The following KCTD19 variants were observed in gnomAD, a reference collection of about 807,000 sequenced individuals.
KCTD19 encodes BTB/POZ domain-containing protein KCTD19.
KCTD19 carries 67 observed loss-of-function variants against 103.5 expected under a neutral mutation model. The ratio of observed to expected loss-of-function variants is 0.65; its 90% CI spans 0.53 to 0.79. The LOEUF (loss-of-function observed/expected upper bound fraction) is 0.79. Among genes scored for constraint, KCTD19 ranks in the 30% least tolerant of loss-of-function variants. The probability of loss-of-function intolerance (pLI) is 0.00; values close to 1 mark genes in which losing one functional copy is unlikely to be tolerated. For missense variants in KCTD19, 980 were observed against 1,136.1 expected (o/e 0.86, Z 1.98); for synonymous variants, 439 against 452.2 (o/e 0.97, Z 0.37).
Position 67,303,928 on chromosome 16 carries a change from TCATTTACC to T in KCTD19, c.451+485_451+492del, listed in dbSNP as rs1362692631. Among the ~76,000 whole-genome samples the T allele has an allele frequency of 6.6e-6, 1 of 152,222 alleles. No individual in the cohort carries two copies. The highest frequency in any genetic ancestry group is 1.5e-5 in the Non-Finnish European group (1 of 68,048). On this transcript the variant is annotated intron_variant, in intron 3 of 15. Transcript: ENST00000304372. The surrounding 1 kb of genome is among the most constrained non-coding windows in gnomAD (Gnocchi z 4.3). ...ACTTATGTATCCAAAGTCATTAAAT[TCATTTACC>T]CATTTGATTCTAATTGATCAAACCA...
At chr16:67,313,369 C>G (rs749661300) in intron 2 of KCTD19, among the ~76,000 whole-genome samples, 3 of 152,094 alleles carry the variant, frequency 2.0e-5, no homozygotes, top group Non-Finnish European at 2.9e-5. Context: ...CTTGGCCTCC[C>G]AAAGTGTTAG....
At position 67,303,414 on chromosome 16, in the gene KCTD19, C is replaced by G; in HGVS notation, c.452-77G>C. ...GATTCCAGCAGGGCTTTCACTGACC[C>G]AGGGGCCCCAGAGGATGCTAGAGAG... On this transcript the variant is annotated intron_variant, in intron 3 of 15. Transcript: ENST00000304372. The surrounding 1 kb of genome is among the most constrained non-coding windows in gnomAD (Gnocchi z 4.3). 1 of 1,292,222 alleles carries G rather than the reference C, an allele frequency of 7.7e-7. No individual in the cohort carries two copies. Among genetic ancestry groups the G allele is most frequent in the South Asian group, 1.5e-5 (1 of 68,914 alleles). 80.0% of individuals were successfully genotyped at this position (1,292,222 alleles called of 1,614,324 possible). A position where few individuals can be genotyped will look rare whatever the true frequency, so the allele number is the denominator to read the frequency against.
chr16:67,301,313 G>A (rs995959520), intron 5 of KCTD19: 15 of 155,222 alleles, frequency 9.7e-5, no homozygotes, highest in Non-Finnish European at 1.7e-4. Context: ...GGGTTTCCAC[G>A]TGAGGTGACG....
In KCTD19 at chr16:67,291,368, T is replaced by C; in HGVS notation, c.2506A>G (p.Arg836Gly). The change falls in exon 14 of 16, where the codon AGG (arginine) becomes GGG (glycine). Residue 836 changes from arginine to glycine, a missense_variant. Coordinates refer to ENST00000304372, the MANE Select transcript of KCTD19 (RefSeq NM_001100915.3). ...FLADIIMDSI[R>G]QKDPKAITAK... ...GTGATGGCTTTGGGGTCCTTTTGCC[T>C]GATGGAATCCATGATGATGTCAGCC... 1 of 1,614,212 alleles carries C rather than the reference T, an allele frequency of 6.2e-7. No homozygotes were observed. Among genetic ancestry groups the C allele is most frequent in the Non-Finnish European group, 8.5e-7 (1 of 1,180,046 alleles).
chr16:67,298,467 C>A (rs1199810800), intron 6 of KCTD19, among the ~76,000 whole-genome samples: 1 of 152,134 alleles, frequency 6.6e-6, no homozygotes, highest in Non-Finnish European at 1.5e-5. Context: ...CCCAGTCGCT[C>A]CCTTCTTGCC....
rs769207794 is a variant in KCTD19, at chr16:67,320,826, G to GC, written c.62dup (p.Trp22LeufsTer43). 6.2e-7 allele frequency: 1 copy of GC among 1,614,084 alleles called. No homozygotes were observed. The highest frequency in any genetic ancestry group is 1.1e-5 in the South Asian group (1 of 91,076). Reference sequence around the variant, plus strand: ...TGCTTCTGGGAACTGAGAAATGCCAGCCCCCTACGTTGAAATGAAACAAGT... The same window carrying GC: ...TGCTTCTGGGAACTGAGAAATGCCAGCCCCCCTACGTTGAAATGAAACAAGT... On this transcript the variant is annotated frameshift_variant, in exon 2 of 16. Transcript: ENST00000304372. LOFTEE classifies it high-confidence loss of function. This position sits in a 1 kb window ranked among gnomAD's most constrained non-coding sequence, Gnocchi z 4.0.
chr16:67,305,325 CA>C (rs1276153170), intron 2 of KCTD19: 2 of 206,602 alleles, frequency 9.7e-6, no homozygotes, highest in African/African-American at 4.7e-5. Context: ...TATATTGCCA[CA>C]GGACTCCACA....
chr16:67,315,588 T>G (rs2037004112), intron 2 of KCTD19, among the ~76,000 whole-genome samples: 1 of 151,980 alleles, frequency 6.6e-6, no homozygotes. Flanking sequence ...TTCAAGCAAT[T>G]CTTCTGCCTC....
In KCTD19 at chr16:67,297,577, A is replaced by T; in HGVS notation, c.1073T>A (p.Ile358Asn). 1.2e-6 allele frequency: 2 copies of T among 1,614,052 alleles called. No individual in the cohort carries two copies. Among genetic ancestry groups the T allele is most frequent in the Non-Finnish European group, 1.7e-6 (2 of 1,180,022 alleles). The change falls in exon 7 of 16, where the codon ATC (isoleucine) becomes AAC (asparagine). Residue 358 changes from isoleucine (I) to asparagine (N), a missense_variant. Physicochemically the swap from Ile to Asn is moderately radical, Grantham distance 149. Transcript: ENST00000304372. Reference protein sequence around the residue: ...ELCAFLDKRDITYEPIKVALK... With the variant: ...ELCAFLDKRDNTYEPIKVALK... ...AGCAACTTTGATTGGCTCGTAGGTG[A>T]TGTCCCTTTTGTCTAGGAAGGCACA...
chr16:67,308,140 A>C (rs1597397086), intron 2 of KCTD19, among the ~76,000 whole-genome samples: 16 of 124,600 alleles, frequency 1.3e-4, no homozygotes, highest in South Asian at 3.0e-4. Flanking sequence ...CCTCCCTCCC[A>C]TCCTCCCTCC....
Position 67,320,498 on chromosome 16 carries a change from T to C in KCTD19, c.300+91A>G. ...TTACATTTGCCCATTAAGAGGGTCA[T>C]CTCAGCAACCAATATATAACAGGAA... is the stretch of plus-strand genomic sequence containing the variant. On this transcript the variant is annotated intron_variant, in intron 2 of 15. Transcript: ENST00000304372. This position sits in a 1 kb window ranked among gnomAD's most constrained non-coding sequence, Gnocchi z 4.0. 7.8e-7 allele frequency: 1 copy of C among 1,289,646 alleles called. No homozygotes were observed. The highest frequency in any genetic ancestry group is 1.4e-5 in the South Asian group (1 of 71,078). 79.9% of individuals were successfully genotyped at this position (1,289,646 alleles called of 1,614,324 possible).
intron 9 of KCTD19, 72 bp downstream of exon 9, chr16:67,295,191 C>G (rs937309904): frequency 6.3e-7 from 1 of 1,583,582 alleles, no homozygotes; most frequent in Non-Finnish European, 8.7e-7. Context: ...GGCTGCAACT[C>G]AGGTCTCCTT....
At chr16:67,298,076 C>T (rs2036788635) in intron 6 of KCTD19, among the ~76,000 whole-genome samples, 1 of 151,332 alleles carries the variant, frequency 6.6e-6, no homozygotes, top group Non-Finnish European at 1.5e-5. Flanking sequence ...TCACTGCAAG[C>T]TCCGCCTCCA....
intron 2 of KCTD19, among the ~76,000 whole-genome samples, chr16:67,306,897 C>A (rs1308670482): frequency 6.6e-6 from 1 of 152,126 alleles, no homozygotes; most frequent in South Asian, 2.1e-4. Context: ...CCCCTGACAA[C>A]AAAGTAGGCT....
chr16:67,298,675 A>G (rs550682224), intron 6 of KCTD19, among the ~76,000 whole-genome samples: 2 of 152,140 alleles, frequency 1.3e-5, no homozygotes, highest in Non-Finnish European at 2.9e-5. Flanking sequence ...AAACAACAAT[A>G]TTGGGAAAAG....
rs759202505 is a variant in KCTD19 at position 67,295,350 on chromosome 16, G to T, written c.1304C>A (p.Thr435Asn). ...QRVYWITYGQ[T>N]LLIHGDGQMF... ...CTGGCCATCCCCGTGGATGAGCAGG[G>T]TTTGTCCATATGTGATCCAGTACAC... The change falls in exon 9 of 16, where the codon ACC becomes AAC. Residue 435 changes from threonine to asparagine, a missense_variant. Coordinates refer to ENST00000304372, the MANE Select transcript of KCTD19 (RefSeq NM_001100915.3). 3.1e-6 allele frequency: 5 copies of T among 1,614,032 alleles called. No homozygotes were observed. The highest frequency in any genetic ancestry group is 4.2e-6 in the Non-Finnish European group (5 of 1,180,018).
rs2036807578 is a variant in KCTD19, at chr16:67,299,441, C to T, written c.908G>A (p.Gly303Asp). 1 of 1,614,100 alleles carries T rather than the reference C, an allele frequency of 6.2e-7. No individual in the cohort carries two copies. The highest frequency in any genetic ancestry group is 8.5e-7 in the Non-Finnish European group (1 of 1,180,050). ...TAGCGTGCTCTCGATGCGAAGCTGG[C>T]CCAGCGCAGAGTCCGGGTACTTGAC... The part of the protein sequence containing the change: ...LLVKYPDSAL[G>D]QLRIESTLDG... Residue 303 changes from glycine (G) to aspartate (D), a missense_variant, in exon 6 of 16, where the codon GGC becomes GAC. Coordinates refer to ENST00000304372, the MANE Select transcript of KCTD19 (RefSeq NM_001100915.3).
At chr16:67,289,717 T>A in intron 15 of KCTD19, 35 bp from the exon 16 acceptor site, 1 of 1,503,294 alleles carries the variant, frequency 6.7e-7, no homozygotes, top group Non-Finnish European at 9.3e-7. Context: ...CCTGATTTCC[T>A]GGCCAGTTGT....
chr16:67,291,335 C>T lies in KCTD19; in HGVS notation c.2539G>A (p.Val847Met). 2 of 1,613,932 alleles carry T rather than the reference C, an allele frequency of 1.2e-6. No homozygotes were observed. Among genetic ancestry groups the T allele is most frequent in the Non-Finnish European group, 1.7e-6 (2 of 1,180,002 alleles). ...QKDPKAITAK[V>M]VSLANRLWTL... ...CACAGCCGATTGGCCAGGGAGACCA[C>T]CTTGGCTGTGATGGCTTTGGGGTCC... is the stretch of plus-strand genomic sequence containing the variant. Residue 847 changes from valine to methionine, a missense_variant, in exon 14 of 16, where the codon GTG (valine) becomes ATG (methionine). Coordinates refer to ENST00000304372, the MANE Select transcript of KCTD19 (RefSeq NM_001100915.3).
Sources: gnomAD v4.1 joint callset for allele counts (sites outside exome capture counted in the v4.1 genomes callset) on GRCh38, gnomAD v4.1.1 for gene constraint, Gnocchi (gnomAD v3.1) non-coding constraint, MANE v1.5 for transcripts, NCBI Gene and HGNC (gene_info 2026-07-23, HGNC 2026-07-21) for gene names.